Variants in SLC8A1 observed in about 807,000 individuals in gnomAD.
The protein encoded by SLC8A1 is solute carrier family 8 member A1.
In SLC8A1, 18 loss-of-function variants were observed where a neutral mutation model predicts 68.3. The ratio of observed to expected loss-of-function variants is 0.26; its 90% CI spans 0.18 to 0.39. The LOEUF (loss-of-function observed/expected upper bound fraction) is 0.39. Ranked by LOEUF, SLC8A1 falls within the 10% of genes least tolerant of loss-of-function variation. The pLI is 1.00. For synonymous variants in SLC8A1, 475 were observed against 415.5 expected (o/e 1.14, Z -1.74); for missense variants, 985 against 1,156.7 (o/e 0.85, Z 2.15).
chr2:40,414,560 C>T (rs1693227686), intron 2 of SLC8A1, among the ~76,000 whole-genome samples: 1 of 152,076 alleles, frequency 6.6e-6, no homozygotes, highest in Admixed American at 6.6e-5. Flanking sequence ...CTTCAATGTT[C>T]TTGCCTTGAT....
intron 1 of SLC8A1, among the ~76,000 whole-genome samples, chr2:40,445,406 CA>C (rs1701262887): frequency 1.3e-5 from 2 of 151,946 alleles, no homozygotes; most frequent in African/African-American, 4.8e-5. Flanking sequence ...TCCTGAGGCC[CA>C]GAAAACACAG....
chr2:40,253,030 CAT>C (rs754301885), intron 2 of SLC8A1, among the ~76,000 whole-genome samples: 2 of 120,480 alleles, frequency 1.7e-5, no homozygotes, highest in East Asian at 2.1e-4. Flanking sequence ...TATGTATATA[CAT>C]ATGTATCAGT....
exon 8 of SLC8A1, chr2:40,101,878 A>T (rs1018369987): frequency 2.6e-5 from 4 of 152,126 alleles, no homozygotes; most frequent in Non-Finnish European, 4.4e-5. Flanking sequence ...CTGAAGTCTC[A>T]GGTGGGACTG....
At chr2:40,359,677 G>A (rs1193586334) in intron 2 of SLC8A1, among the ~76,000 whole-genome samples, 2 of 152,102 alleles carry the variant, frequency 1.3e-5, no homozygotes, top group Admixed American at 6.6e-5. Flanking sequence ...AATTGAGTAT[G>A]TTACTGAGAA....
chr2:40,412,560 G>T (rs62149405), intron 2 of SLC8A1, among the ~76,000 whole-genome samples: 2,656 of 152,232 alleles, frequency 0.017, 32 homozygotes, highest in Middle Eastern at 0.027. Flanking sequence ...TACCTTAAGA[G>T]CAAAGAGATT....
intron 7 of SLC8A1, among the ~76,000 whole-genome samples, chr2:40,125,657 C>G (rs1167832096): frequency 1.3e-5 from 2 of 152,034 alleles, no homozygotes; most frequent in Admixed American, 1.3e-4. Context: ...TTTTTACAGG[C>G]TTGTTAAGAG....
chr2:40,136,133 T>TGGG (rs2040453692), intron 7 of SLC8A1, among the ~76,000 whole-genome samples: 1 of 152,142 alleles, frequency 6.6e-6, no homozygotes, highest in African/African-American at 2.4e-5. Flanking sequence ...CATTTAAAGG[T>TGGG]GGGAAGAGGC....
intron 1 of SLC8A1, among the ~76,000 whole-genome samples, chr2:40,488,893 G>A (rs1001327582): frequency 6.6e-6 from 1 of 152,108 alleles, no homozygotes; most frequent in East Asian, 1.9e-4. Context: ...TCTTCAGAGA[G>A]AGAGACTTAC....
At chr2:40,099,587 T>G (rs1231440007) in exon 8 of SLC8A1, 1 of 152,048 alleles carries the variant, frequency 6.6e-6, no homozygotes, top group Non-Finnish European at 1.5e-5. Context: ...TTGTGATGGG[T>G]CCTTCAAACT....
chr2:40,399,932 C>T (rs1019592247), intron 2 of SLC8A1, among the ~76,000 whole-genome samples: 1 of 152,162 alleles, frequency 6.6e-6, no homozygotes, highest in Non-Finnish European at 1.5e-5. Context: ...TGGGCCTGGT[C>T]GTTAAAGATC....
At position 40,340,971 on chromosome 2, in the gene SLC8A1, A is replaced by T. The variant is rs111416900; in HGVS notation, c.1808+87502T>A. Among the ~76,000 whole-genome samples, 623 of 152,298 alleles carry T rather than the reference A, an allele frequency of 4.1e-3. 1 individual carries two copies. The highest frequency in any genetic ancestry group is 0.014 in the African/African-American group (587 of 41,570). On this transcript the variant is annotated intron_variant, in intron 2 of 7. Transcript: ENST00000406785. Reference sequence around the variant, plus strand: ...AGAGTTAAACTTTGAGCTTTTATTGATCATTTCATATCCTACTATGAACTG... The same window carrying T: ...AGAGTTAAACTTTGAGCTTTTATTGTTCATTTCATATCCTACTATGAACTG...
At chr2:40,338,322 C>T (rs945351545) in intron 2 of SLC8A1, among the ~76,000 whole-genome samples, 1 of 152,098 alleles carries the variant, frequency 6.6e-6, no homozygotes, top group Non-Finnish European at 1.5e-5. Flanking sequence ...TAAACAAAAA[C>T]AAACAACAGT....
At chr2:40,316,409 T>C (rs2074452743) in intron 2 of SLC8A1, among the ~76,000 whole-genome samples, 2 of 152,060 alleles carry the variant, frequency 1.3e-5, no homozygotes, top group African/African-American at 4.8e-5. Flanking sequence ...TGGAGGATTT[T>C]TTCCTATTAA....
intron 2 of SLC8A1, chr2:40,209,940 T>C (rs964313369): frequency 6.6e-6 from 1 of 152,220 alleles, no homozygotes; most frequent in African/African-American, 2.4e-5. Flanking sequence ...AAGTGCCTAC[T>C]ACTTAATATT....
chr2:40,181,198 G>A (rs1234226949), intron 2 of SLC8A1, among the ~76,000 whole-genome samples: 5 of 152,146 alleles, frequency 3.3e-5, no homozygotes, highest in Non-Finnish European at 5.9e-5. Context: ...GACCTCAGGC[G>A]ATCCACCCGC....
At chr2:40,128,985 G>A (rs976934895) in intron 7 of SLC8A1, among the ~76,000 whole-genome samples, 6 of 152,188 alleles carry the variant, frequency 3.9e-5, no homozygotes, top group African/African-American at 9.6e-5. Context: ...GGCAGAGGGT[G>A]GAGATGAGGA....
chr2:40,345,851 G>T (rs941607999), intron 2 of SLC8A1, among the ~76,000 whole-genome samples: 3 of 151,916 alleles, frequency 2.0e-5, no homozygotes, highest in Admixed American at 1.3e-4. Flanking sequence ...TCGGGCGGTG[G>T]AGGGCAAGGG....
At chr2:40,129,233 C>CTT (rs1558460258) in intron 7 of SLC8A1, among the ~76,000 whole-genome samples, 1 of 132,628 alleles carries the variant, frequency 7.5e-6, no homozygotes, top group African/African-American at 3.2e-5. Flanking sequence ...TGAGATGTTT[C>CTT]ATTTTTTTTT....
At chr2:40,280,707 C>T (rs371665767) in intron 2 of SLC8A1, among the ~76,000 whole-genome samples, 3 of 152,180 alleles carry the variant, frequency 2.0e-5, no homozygotes, top group African/African-American at 7.2e-5. Flanking sequence ...GATATAAATA[C>T]AGAAATGAAG....
Sources: allele counts gnomAD v4.1 joint callset (sites outside exome capture counted in the v4.1 genomes callset), GRCh38; gene constraint gnomAD v4.1.1; transcripts MANE v1.5; gene names NCBI Gene and HGNC (gene_info 2026-07-23, HGNC 2026-07-21).